Variants in DCC observed in about 807,000 individuals in gnomAD.
The protein encoded by DCC is netrin receptor DCC.
In DCC, 58 loss-of-function variants were observed where a neutral mutation model predicts 172.5. That is an observed-to-expected ratio of 0.34 (90% CI 0.27 to 0.42). The LOEUF is 0.42. Ranked by LOEUF, DCC falls within the 10% of genes least tolerant of loss-of-function variation. The pLI, the probability that DCC is intolerant of heterozygous loss-of-function variation, is 1.00. For missense variants in DCC, 1,740 were observed against 1,791.0 expected, an observed-to-expected ratio of 0.97 and a Z score of 0.51; for synonymous variants, 709 against 644.5, an observed-to-expected ratio of 1.10 and a Z score of -1.52.
At position 52,428,293 on chromosome 18, in the gene DCC, T is replaced by A. The variant is rs375163137; in HGVS notation, c.91+87415T>A. Among the ~76,000 whole-genome samples the A allele has an allele frequency of 3.8e-4, 58 of 152,258 alleles. No homozygotes were observed. The East Asian group carries it at 5.8e-3, about 15-fold the overall frequency. The stretch of plus-strand genomic sequence containing the variant: ...ATTCAAGCCATTTTCACCAACCTGT[T>A]CTTTGACTCTTTTACATGAAGCCTT... On this transcript the variant is annotated intron_variant, in intron 1 of 28. Transcript: ENST00000442544.
chr18:53,367,677 A>G (rs73957174), intron 15 of DCC, among the ~76,000 whole-genome samples: 6,837 of 151,952 alleles, frequency 0.045, 483 homozygotes, highest in African/African-American at 0.15. Context: ...ACACCTGCCC[A>G]TTCTCCTCCC....
chr18:52,915,039 C>T (rs1468768302), intron 3 of DCC, among the ~76,000 whole-genome samples: 2 of 152,054 alleles, frequency 1.3e-5, no homozygotes, highest in African/African-American at 4.8e-5. Context: ...AAATTAAAAG[C>T]AACTACTGGT....
intron 5 of DCC, among the ~76,000 whole-genome samples, chr18:52,981,329 C>G (rs1032287014): frequency 1.3e-5 from 2 of 152,008 alleles, no homozygotes; most frequent in Non-Finnish European, 2.9e-5. Flanking sequence ...TTTGACAGTT[C>G]TTTTCTTTTT....
chr18:52,745,996 T>C (rs1256315987), intron 1 of DCC, among the ~76,000 whole-genome samples: 1 of 152,226 alleles, frequency 6.6e-6, no homozygotes, highest in East Asian at 1.9e-4. Flanking sequence ...TTTGTTTTTG[T>C]TTTTTAAATT....
chr18:52,745,456 G>A (rs2036892655), intron 1 of DCC, among the ~76,000 whole-genome samples: 2 of 152,004 alleles, frequency 1.3e-5, no homozygotes, highest in African/African-American at 4.8e-5. Context: ...TGATTGGGTA[G>A]GTATGGGGCA....
At chr18:52,414,117 G>T (rs188436230) in intron 1 of DCC, among the ~76,000 whole-genome samples, 6 of 152,232 alleles carry the variant, frequency 3.9e-5, no homozygotes, top group African/African-American at 1.4e-4. Context: ...TTTAGCTCTT[G>T]TTGTCCAGGC....
chr18:52,987,774 C>T (rs191403641), intron 5 of DCC, among the ~76,000 whole-genome samples: 12 of 152,286 alleles, frequency 7.9e-5, no homozygotes, highest in Non-Finnish European at 1.5e-4. Context: ...CTCTATTATT[C>T]TCAGTGTTGC....
chr18:52,735,389 A>T (rs1464076868), intron 1 of DCC, among the ~76,000 whole-genome samples: 1 of 152,154 alleles, frequency 6.6e-6, no homozygotes, highest in Non-Finnish European at 1.5e-5. Flanking sequence ...ATGATGTATT[A>T]GGGTTCTCTA....
chr18:53,344,878 C>A (rs1239355742), intron 15 of DCC, among the ~76,000 whole-genome samples: 1 of 141,462 alleles, frequency 7.1e-6, no homozygotes, highest in Non-Finnish European at 1.6e-5. Flanking sequence ...GAGCAAGACT[C>A]TGTCTTGGAA....
intron 2 of DCC, among the ~76,000 whole-genome samples, chr18:52,869,162 C>CTAAA (rs1226595511): frequency 6.6e-6 from 1 of 152,216 alleles, no homozygotes; most frequent in East Asian, 1.9e-4. Flanking sequence ...TTTAGCCTCG[C>CTAAA]CATTTGTTGG....
chr18:53,236,374 T>A (rs1466371082), intron 12 of DCC, among the ~76,000 whole-genome samples: 1 of 152,138 alleles, frequency 6.6e-6, no homozygotes, highest in Admixed American at 6.5e-5. Context: ...AGATTCTTTT[T>A]TGCACATTAC....
Position 53,063,454 on chromosome 18 carries a change from A to G in DCC, c.1135A>G (p.Ile379Val). 6.2e-7 allele frequency: 1 copy of G among 1,603,996 alleles called. No homozygotes were observed. The highest frequency in any genetic ancestry group is 8.5e-7 in the Non-Finnish European group (1 of 1,171,298). The stretch of plus-strand genomic sequence containing the variant: ...GGTCATTCCTAGTGATTATTTTCAG[A>G]TAGTGGTAATTATTTTGTTTCATAT... ...DVVIPSDYFQIVGGSNLRILG... is the reference protein window; with the variant it reads ...DVVIPSDYFQVVGGSNLRILG... Residue 379 changes from isoleucine (I) to valine (V), a missense_variant, in exon 6 of 29, where the codon ATA (isoleucine) becomes GTA (valine). Physicochemically the swap from Ile to Val is conservative, Grantham distance 29. Transcript: ENST00000442544.
intron 7 of DCC, among the ~76,000 whole-genome samples, chr18:53,127,521 A>C (rs1371761913): frequency 6.6e-6 from 1 of 152,016 alleles, no homozygotes; most frequent in Non-Finnish European, 1.5e-5. Context: ...TGCCTATGGG[A>C]GGGTGGCTCT....
intron 1 of DCC, among the ~76,000 whole-genome samples, chr18:52,520,417 T>C (rs2099887983): frequency 6.6e-6 from 1 of 152,220 alleles, no homozygotes; most frequent in South Asian, 2.1e-4. Flanking sequence ...CAACAGAGGC[T>C]TCTCAGGTAA....
At chr18:53,478,268 G>T (rs2045790366) in intron 25 of DCC, among the ~76,000 whole-genome samples, 4 of 152,324 alleles carry the variant, frequency 2.6e-5, no homozygotes, top group African/African-American at 9.6e-5. Context: ...AAGAAGTGGG[G>T]TGTGGCCTTG....
At chr18:52,886,949 G>T (rs1438860673) in intron 2 of DCC, among the ~76,000 whole-genome samples, 2 of 152,060 alleles carry the variant, frequency 1.3e-5, no homozygotes, top group Non-Finnish European at 1.5e-5. Flanking sequence ...CATTGGACTA[G>T]ATTTTGCCCT....
At chr18:53,402,386 T>C (rs1478032775) in intron 18 of DCC, among the ~76,000 whole-genome samples, 1 of 82,736 alleles carries the variant, frequency 1.2e-5, no homozygotes, top group African/African-American at 2.9e-5. Flanking sequence ...CAAGACCCTG[T>C]CTCAAAAAAA....
At chr18:52,967,250 T>C (rs1354607443) in intron 5 of DCC, among the ~76,000 whole-genome samples, 1 of 152,176 alleles carries the variant, frequency 6.6e-6, no homozygotes, top group Non-Finnish European at 1.5e-5. Context: ...TTTTACTTCA[T>C]GGCCTCATTC....
intron 1 of DCC, among the ~76,000 whole-genome samples, chr18:52,470,427 AT>A (rs1428506954): frequency 6.6e-6 from 1 of 152,148 alleles, no homozygotes; most frequent in Non-Finnish European, 1.5e-5. Flanking sequence ...CTGGTCCAAT[AT>A]CCTAGATTAT....
Sources: allele counts gnomAD v4.1 joint callset (sites outside exome capture counted in the v4.1 genomes callset), GRCh38; gene constraint gnomAD v4.1.1; transcripts MANE v1.5; gene names NCBI Gene and HGNC (gene_info 2026-07-23, HGNC 2026-07-21).